The following WWOX variants were observed in gnomAD, a reference collection of about 807,000 sequenced individuals.
WWOX encodes WW domain-containing oxidoreductase.
WWOX carries 69 observed loss-of-function variants against 46.2 expected under a neutral mutation model. The observed-to-expected ratio is 1.49, with a 90% CI of 1.23 to 1.82. The LOEUF is 1.82. Ranked by LOEUF, WWOX falls within the 40% of genes most tolerant of loss-of-function variation. The pLI, the probability that WWOX is intolerant of heterozygous loss-of-function variation, is 0.00. For synonymous variants in WWOX, 359 were observed against 202.6 expected, an observed-to-expected ratio of 1.77 and a Z score of -6.56; for missense variants, 919 against 542.6, an observed-to-expected ratio of 1.69 and a Z score of -6.89.
At chr16:78,840,056 G>C (rs1216062850) in intron 8 of WWOX, among the ~76,000 whole-genome samples, 5 of 152,190 alleles carry the variant, frequency 3.3e-5, no homozygotes, top group Non-Finnish European at 7.3e-5. Context: ...GTGTTTGAAA[G>C]ATCAAATGAG....
At chr16:78,685,367 T>G (rs1162733419) in intron 8 of WWOX, among the ~76,000 whole-genome samples, 2 of 152,172 alleles carry the variant, frequency 1.3e-5, no homozygotes, top group Non-Finnish European at 2.9e-5. Flanking sequence ...TGTCTAATAT[T>G]CAGAGTCTGA....
intron 8 of WWOX, among the ~76,000 whole-genome samples, chr16:79,197,215 C>T (rs1597466289): frequency 6.6e-6 from 1 of 152,182 alleles, no homozygotes; most frequent in Non-Finnish European, 1.5e-5. Flanking sequence ...ACAGTGCCTA[C>T]CACATCCCAA....
intron 8 of WWOX, among the ~76,000 whole-genome samples, chr16:78,856,276 T>C (rs927911329): frequency 6.6e-6 from 1 of 152,188 alleles, no homozygotes; most frequent in Non-Finnish European, 1.5e-5. Flanking sequence ...ACGTTGTTTG[T>C]AGGCAAGTAG....
At chr16:78,989,242 G>A (rs1030471501) in intron 8 of WWOX, among the ~76,000 whole-genome samples, 1 of 152,030 alleles carries the variant, frequency 6.6e-6, no homozygotes, top group African/African-American at 2.4e-5. Context: ...TTCCTCTTCG[G>A]GTGGTTCTAA....
intron 8 of WWOX, among the ~76,000 whole-genome samples, chr16:79,209,330 A>G (rs938359342): frequency 3.3e-5 from 5 of 152,244 alleles, no homozygotes; most frequent in Non-Finnish European, 7.3e-5. Context: ...CAGTAATGCA[A>G]GAGTGCAACG....
At chr16:78,119,436 T>C (rs999147831) in intron 4 of WWOX, among the ~76,000 whole-genome samples, 1 of 151,740 alleles carries the variant, frequency 6.6e-6, no homozygotes, top group Non-Finnish European at 1.5e-5. Context: ...GGCTGACATG[T>C]TGCTCATCAA....
At position 79,186,285 on chromosome 16, in the gene WWOX, C is replaced by G. The variant is rs572475637; in HGVS notation, c.1057-25323C>G. Reference sequence around the variant, plus strand: ...GGGCTTCAAACAACAGGAATATTATCTCACAGTCCTAGAAGCCAGACGTCT... The same window carrying G: ...GGGCTTCAAACAACAGGAATATTATGTCACAGTCCTAGAAGCCAGACGTCT... On this transcript the variant is annotated intron_variant, in intron 8 of 8. Transcript: ENST00000566780. 2.0e-5 allele frequency among the ~76,000 whole-genome samples: 3 copies of G among 152,334 alleles called. No individual in the cohort carries two copies. The East Asian group carries it at 5.8e-4, about 29-fold the overall frequency.
At chr16:78,950,898 C>G (rs989542063) in intron 8 of WWOX, among the ~76,000 whole-genome samples, 4 of 152,128 alleles carry the variant, frequency 2.6e-5, no homozygotes, top group African/African-American at 4.8e-5. Context: ...GGTGTGGTAG[C>G]TGAAGGCCCA....
intron 8 of WWOX, among the ~76,000 whole-genome samples, chr16:78,849,126 C>G (rs1402569596): frequency 1.3e-5 from 2 of 152,160 alleles, no homozygotes; most frequent in African/African-American, 2.4e-5. Flanking sequence ...TATACAGTAA[C>G]TCAACATTAA....
Position 78,486,823 on chromosome 16 carries a change from C to T in WWOX, c.1056+54071C>T, listed in dbSNP as rs551490861. Among the ~76,000 whole-genome samples the T allele has an allele frequency of 7.4e-4, 112 of 152,288 alleles. No individual in the cohort carries two copies. In the Middle Eastern group the frequency reaches 0.014, roughly 18 times the overall value. ...TCCTGACTTCGTGATCCACTCGCCT[C>T]GGCCTCCCAAAGTGCTGGGATTACA... On this transcript the variant is annotated intron_variant, in intron 8 of 8. Coordinates refer to ENST00000566780, the MANE Select transcript of WWOX (RefSeq NM_016373.4).
chr16:78,789,852 C>G (rs1228455780), intron 8 of WWOX, among the ~76,000 whole-genome samples: 2 of 152,108 alleles, frequency 1.3e-5, no homozygotes, highest in Non-Finnish European at 2.9e-5. Flanking sequence ...ATTCCTGTGA[C>G]CATATGGCAG....
intron 4 of WWOX, among the ~76,000 whole-genome samples, chr16:78,134,438 T>A (rs769407903): frequency 2.6e-5 from 4 of 152,184 alleles, no homozygotes; most frequent in Non-Finnish European, 5.9e-5. Context: ...CCTCTTCTCT[T>A]AGTTGCCTTT....
chr16:78,449,375 G>T (rs1042729304), intron 8 of WWOX, among the ~76,000 whole-genome samples: 5 of 152,130 alleles, frequency 3.3e-5, no homozygotes, highest in African/African-American at 1.2e-4. Context: ...GTTGTTAAAG[G>T]GGAAAGGATT....
intron 8 of WWOX, among the ~76,000 whole-genome samples, chr16:78,986,282 G>A (rs2046783035): frequency 6.6e-6 from 1 of 152,208 alleles, no homozygotes; most frequent in Non-Finnish European, 1.5e-5. Flanking sequence ...GATGCCATAG[G>A]TAGAGGTGCT....
chr16:79,083,271 T>A (rs1036701557), intron 8 of WWOX, among the ~76,000 whole-genome samples: 2 of 152,088 alleles, frequency 1.3e-5, no homozygotes, highest in Non-Finnish European at 2.9e-5. Context: ...GAAATGTGAG[T>A]GACACTTCCA....
At chr16:78,671,541 C>G (rs900659527) in intron 8 of WWOX, among the ~76,000 whole-genome samples, 1 of 152,278 alleles carries the variant, frequency 6.6e-6, no homozygotes, top group Admixed American at 6.5e-5. Context: ...TACAACAACC[C>G]TGCCCCTTCT....
At chr16:78,566,231 C>T (rs1377514429) in intron 8 of WWOX, among the ~76,000 whole-genome samples, 1 of 152,134 alleles carries the variant, frequency 6.6e-6, no homozygotes, top group South Asian at 2.1e-4. Context: ...CCTCCCAAAG[C>T]CCCACCTCCA....
chr16:78,443,125 G>C (rs140400442), intron 8 of WWOX, among the ~76,000 whole-genome samples: 8,307 of 117,784 alleles, frequency 0.071, 322 homozygotes, highest in East Asian at 0.21. Flanking sequence ...GACAGAGCGA[G>C]ACTCCATCTC....
At chr16:79,024,162 T>C (rs2047590532) in intron 8 of WWOX, among the ~76,000 whole-genome samples, 1 of 152,180 alleles carries the variant, frequency 6.6e-6, no homozygotes, top group Non-Finnish European at 1.5e-5. Context: ...GGTTAAATGG[T>C]CTAGAATTAG....
Sources: allele counts gnomAD v4.1 joint callset (sites outside exome capture counted in the v4.1 genomes callset), GRCh38; gene constraint gnomAD v4.1.1; transcripts MANE v1.5; gene names NCBI Gene and HGNC (gene_info 2026-07-23, HGNC 2026-07-21).